Variants in DHX29 observed in about 807,000 individuals in gnomAD.
DHX29 encodes ATP-dependent RNA helicase DHX29.
A neutral mutation model predicts 167.9 loss-of-function variants in DHX29; 79 were observed. That is an observed-to-expected ratio of 0.47 (90% CI 0.39 to 0.57). The LOEUF (loss-of-function observed/expected upper bound fraction) is 0.57, where lower values mean the gene tolerates loss of function less well. Ranked by LOEUF, DHX29 falls within the 20% of genes least tolerant of loss-of-function variation. DHX29 has a pLI of 0.00. For synonymous variants in DHX29, 530 were observed against 546.0 expected, an observed-to-expected ratio of 0.97 and a Z score of 0.41; for missense variants, 1,347 against 1,593.4, an observed-to-expected ratio of 0.85 and a Z score of 2.63.
chr5:55,262,762 GATT>G lies in DHX29; in HGVS notation c.3693_3695del (p.Ile1232del). The G allele has an allele frequency of 6.2e-7, 1 of 1,614,064 alleles. No homozygotes were observed. The highest frequency in any genetic ancestry group is 8.5e-7 in the Non-Finnish European group (1 of 1,179,996). On this transcript the variant is annotated inframe_deletion, in exon 24 of 27. Transcript: ENST00000251636. ...CTGTAACATCCACTGACTTTGTATA[GATT>G]ATCTTCCCCACATTGTCATACAGTC...
intron 1 of DHX29, among the ~76,000 whole-genome samples, chr5:55,302,823 A>T (rs1301603951): frequency 1.3e-5 from 2 of 152,144 alleles, no homozygotes; most frequent in Admixed American, 1.3e-4. Flanking sequence ...GGCCACGTTC[A>T]CTTTTGCCAA....
Position 55,307,398 on chromosome 5 carries a change from C to T in DHX29, c.176G>A (p.Arg59His), listed in dbSNP as rs1748931332. The T allele has an allele frequency of 6.2e-7, 1 of 1,612,828 alleles. No individual in the cohort carries two copies. Among genetic ancestry groups the T allele is most frequent in the Non-Finnish European group, 8.5e-7 (1 of 1,179,554 alleles). ...AAAAAGSREP[R>H]VKQGPKIYSF... ...GGGACCTCTCGTACCTTGCTTGACACGGGGCTCCCTGGAGCCGGCAGCGGC... is the reference window on the plus strand; with the variant it reads ...GGGACCTCTCGTACCTTGCTTGACATGGGGCTCCCTGGAGCCGGCAGCGGC... Residue 59 changes from arginine (R) to histidine (H), a missense_variant, in exon 1 of 27, where the codon CGT becomes CAT. Arg to His is a conservative substitution (Grantham distance 29). Transcript: ENST00000251636.
intron 12 of DHX29, among the ~76,000 whole-genome samples, chr5:55,279,814 T>TC (rs1194024865): frequency 5.4e-5 from 8 of 149,114 alleles, no homozygotes; most frequent in Admixed American, 2.7e-4. Context: ...CAAGTGATCC[T>TC]CCCCCCTTCA....
At chr5:55,269,881 T>C (rs1746767506) in intron 20 of DHX29, among the ~76,000 whole-genome samples, 1 of 152,050 alleles carries the variant, frequency 6.6e-6, no homozygotes, top group Non-Finnish European at 1.5e-5. Flanking sequence ...GTCCACATTT[T>C]TAGTTTCTTC....
intron 14 of DHX29, among the ~76,000 whole-genome samples, chr5:55,275,449 T>C (rs2111849200): frequency 6.6e-6 from 1 of 152,316 alleles, no homozygotes; most frequent in East Asian, 1.9e-4. Context: ...TATTCTAAAG[T>C]CTTTCTTTAG....
intron 1 of DHX29, among the ~76,000 whole-genome samples, chr5:55,305,624 T>A (rs17281809): frequency 6.6e-6 from 1 of 152,008 alleles, no homozygotes; most frequent in Non-Finnish European, 1.5e-5. Flanking sequence ...TGGAGCCCTA[T>A]TAAAAGACTT....
chr5:55,294,078 T>C lies in DHX29; in HGVS notation c.719A>G (p.Gln240Arg), dbSNP rs572037296. ...ATTCTCATTCTTTTCTTCTTCATTT[T>C]GTTGTTCAGCATATCGTAAAATCCA... Reference protein sequence around the residue: ...KEWILRYAEQQNEEEKNENSK... With the variant: ...KEWILRYAEQRNEEEKNENSK... Residue 240 changes from glutamine to arginine, a missense_variant, in exon 6 of 27, where the codon CAA (glutamine) becomes CGA (arginine). Coordinates refer to ENST00000251636, the MANE Select transcript of DHX29 (RefSeq NM_019030.4). 5 of 1,608,712 alleles carry C rather than the reference T, an allele frequency of 3.1e-6. No individual in the cohort carries two copies. In the South Asian group the frequency reaches 4.4e-5, roughly 14 times the overall value.
intron 5 of DHX29, 46 bp from the exon 6 acceptor site, chr5:55,294,191 GT>G: frequency 6.6e-7 from 1 of 1,526,318 alleles, no homozygotes; most frequent in Non-Finnish European, 8.8e-7. Context: ...TTAGAAAAAG[GT>G]GTCAAAACTA....
At position 55,275,336 on chromosome 5, in the gene DHX29, G is replaced by A. The variant is rs112182647; in HGVS notation, c.2428-326C>T. 9.2e-3 allele frequency among the ~76,000 whole-genome samples: 1,400 copies of A among 152,232 alleles called. 21 individuals are homozygous for A. The highest frequency in any genetic ancestry group is 0.032 in the African/African-American group (1,325 of 41,528). ...TTCTGTGGCAACTAAAAAGCAGCCA[G>A]GCCAAGAGAGGTCATAACGTTAGTA... On this transcript the variant is annotated intron_variant, in intron 14 of 26. Coordinates refer to ENST00000251636, the MANE Select transcript of DHX29 (RefSeq NM_019030.4).
chr5:55,305,418 T>C (rs959692830), intron 1 of DHX29, among the ~76,000 whole-genome samples: 1 of 152,238 alleles, frequency 6.6e-6, no homozygotes, highest in Non-Finnish European at 1.5e-5. Flanking sequence ...AGACTTGCTA[T>C]AGTTGAATAG....
chr5:55,285,612 C>G, intron 9 of DHX29, 84 bp downstream of exon 9: 2 of 1,412,456 alleles, frequency 1.4e-6, no homozygotes, highest in Admixed American at 2.5e-5. Flanking sequence ...GTCTGCTTAC[C>G]TCACAGGGAA....
chr5:55,264,994 G>GA (rs1048903354), intron 23 of DHX29, among the ~76,000 whole-genome samples: 14 of 151,224 alleles, frequency 9.3e-5, no homozygotes, highest in African/African-American at 3.4e-4. Flanking sequence ...AGCATTGCAT[G>GA]AAAAGCCAGT....
Position 55,262,711 on chromosome 5 carries a change from C to G in DHX29, c.3747G>C (p.Thr1249=), listed in dbSNP as rs141879831. The G allele has an allele frequency of 6.2e-7, 1 of 1,613,900 alleles. No homozygotes were observed. Among genetic ancestry groups the G allele is most frequent in the Non-Finnish European group, 8.5e-7 (1 of 1,179,972 alleles). ...VTEKLACIVE[T]AQGKAQVHPS... ...GGTGTACTTGTGCTTTGCCTTGGGC[C>G]GTCTCCACAATGCAAGCCAATTTTT... Residue 1249 remains threonine (T), a synonymous_variant, in exon 24 of 27, where the codon ACG becomes ACC. Coordinates refer to ENST00000251636, the MANE Select transcript of DHX29 (RefSeq NM_019030.4).
chr5:55,299,836 C>A (rs1391514486), intron 1 of DHX29, among the ~76,000 whole-genome samples: 2 of 152,164 alleles, frequency 1.3e-5, no homozygotes, highest in Non-Finnish European at 2.9e-5. Context: ...GGACACTACT[C>A]ACTCAACCCA....
At chr5:55,272,855 T>C (rs1366046709) in intron 17 of DHX29, among the ~76,000 whole-genome samples, 2 of 152,100 alleles carry the variant, frequency 1.3e-5, no homozygotes, top group African/African-American at 4.8e-5. Flanking sequence ...GAGAACTAGG[T>C]TGTTGTCCTG....
Position 55,283,719 on chromosome 5 carries a change from T to C in DHX29, c.1449A>G (p.Glu483=). The change falls in exon 11 of 27, where the codon GAA becomes GAG. Residue 483 remains glutamate, a synonymous_variant. Transcript: ENST00000251636. ...EKKREELNKM[E]TNKPRDLFIA... ...TAAAAAGATCACGTGGTTTATTGGT[T>C]TCCATTTTATTTAATTCTTCCCTTT... 6.2e-7 allele frequency: 1 copy of C among 1,614,004 alleles called. No homozygotes were observed. The highest frequency in any genetic ancestry group is 8.5e-7 in the Non-Finnish European group (1 of 1,179,998).
intron 13 of DHX29, among the ~76,000 whole-genome samples, 167 bp from the exon 14 acceptor site, chr5:55,276,573 G>C (rs1360769144): frequency 6.6e-6 from 1 of 152,178 alleles, no homozygotes; most frequent in Non-Finnish European, 1.5e-5. Context: ...GGTTGACATA[G>C]AGGGATTGCC....
rs1008631660 is a variant in DHX29 at position 55,307,673 on chromosome 5, T to G, written c.-100A>C. The G allele has an allele frequency of 1.6e-5, 24 of 1,462,754 alleles. No homozygotes were observed. In the Admixed American group the frequency reaches 2.7e-4, roughly 17 times the overall value. The allele number at this position is 1,462,754 out of a possible 1,614,324, so 90.6% of individuals were successfully genotyped here. ...TTCCCCGGCTCCGGGGCTGCCACCC[T>G]GCGCTTCGATCCGGGCTTCTCGGGC... On this transcript the variant is annotated 5_prime_UTR_variant, in exon 1 of 27. Transcript: ENST00000251636.
intron 23 of DHX29, among the ~76,000 whole-genome samples, chr5:55,264,067 G>C (rs1020204112): frequency 4.0e-5 from 6 of 151,802 alleles, no homozygotes; most frequent in African/African-American, 1.5e-4. Context: ...GACTGAGATG[G>C]GAGGATCGCT....
Sources: gnomAD v4.1 joint callset for allele counts (sites outside exome capture counted in the v4.1 genomes callset) on GRCh38, gnomAD v4.1.1 for gene constraint, MANE v1.5 for transcripts, NCBI Gene and HGNC (gene_info 2026-07-23, HGNC 2026-07-21) for gene names.